RAP1A: variants seen among roughly 807,000 people sequenced by gnomAD.
RAP1A encodes ras-related protein Rap-1A.
RAP1A carries 6 observed loss-of-function variants against 26.4 expected under a neutral mutation model. That is an observed-to-expected ratio of 0.23 (90% CI 0.12 to 0.45). The LOEUF (loss-of-function observed/expected upper bound fraction) is 0.45, where lower values mean the gene tolerates loss of function less well. Among genes scored for constraint, RAP1A ranks in the 20% least tolerant of loss-of-function variants. The probability of loss-of-function intolerance (pLI) is 0.99; values close to 1 mark genes in which losing one functional copy is unlikely to be tolerated. For synonymous variants in RAP1A, 73 were observed against 79.4 expected, an observed-to-expected ratio of 0.92 and a Z score of 0.43; for missense variants, 121 against 217.2, an observed-to-expected ratio of 0.56 and a Z score of 2.78.
intron 1 of RAP1A, among the ~76,000 whole-genome samples, chr1:111,559,275 G>T (rs7534436): frequency 0.11 from 16,116 of 151,968 alleles, 2,177 homozygotes; most frequent in African/African-American, 0.31. Flanking sequence ...AAGAAATTAG[G>T]ACTAAAGCAA....
chr1:111,643,752 T>C (rs1473900269), intron 1 of RAP1A, among the ~76,000 whole-genome samples: 2 of 151,296 alleles, frequency 1.3e-5, no homozygotes, highest in African/African-American at 4.9e-5. Context: ...TAGTAGGTCT[T>C]CTCTCAGAGA....
intron 1 of RAP1A, among the ~76,000 whole-genome samples, chr1:111,563,388 G>A (rs574831466): frequency 3.3e-5 from 5 of 152,304 alleles, no homozygotes; most frequent in South Asian, 4.1e-4. Context: ...GAAATAATTG[G>A]AAAACAGTAT....
chr1:111,552,022 G>T (rs1657282467), intron 1 of RAP1A, among the ~76,000 whole-genome samples: 1 of 152,120 alleles, frequency 6.6e-6, no homozygotes, highest in Non-Finnish European at 1.5e-5. Flanking sequence ...TCTCATTTAG[G>T]CTTTTCTCCC....
rs540728466 is a variant in RAP1A, at chr1:111,636,488, T to G, written c.-28+16554T>G. Among the ~76,000 whole-genome samples the G allele has an allele frequency of 2.3e-4, 35 of 152,062 alleles. 1 individual carries two copies. Among genetic ancestry groups the G allele is most frequent in the African/African-American group, 7.7e-4 (32 of 41,428 alleles). ...TAGTTTGTGAAGAAAGGTAAATTTTTTTTTTTTTTTTGGAGACGGAGTTTC... is the reference window on the plus strand; with the variant it reads ...TAGTTTGTGAAGAAAGGTAAATTTTGTTTTTTTTTTTGGAGACGGAGTTTC... On this transcript the variant is annotated intron_variant, in intron 1 of 7. Coordinates refer to ENST00000369709, the MANE Select transcript of RAP1A (RefSeq NM_002884.4).
At chr1:111,620,020 C>T (rs552667578) in intron 1 of RAP1A, 86 bp downstream of exon 1, 2 of 395,698 alleles carry the variant, frequency 5.1e-6, no homozygotes, top group African/African-American at 4.1e-5. Context: ...CGGCTCATGT[C>T]GCCGGTCAGT....
At chr1:111,685,267 C>G (rs1239859728) in intron 1 of RAP1A, among the ~76,000 whole-genome samples, 2 of 151,904 alleles carry the variant, frequency 1.3e-5, no homozygotes, top group East Asian at 3.9e-4. Context: ...AGCCAAAATG[C>G]CACAAATGGG....
chr1:111,652,108 G>A (rs1182967011), intron 1 of RAP1A, among the ~76,000 whole-genome samples: 1 of 152,010 alleles, frequency 6.6e-6, no homozygotes, highest in Non-Finnish European at 1.5e-5. Context: ...TGAGTAGCTG[G>A]AACTATAGGC....
At chr1:111,651,673 C>T (rs963581925) in intron 1 of RAP1A, among the ~76,000 whole-genome samples, 6 of 151,778 alleles carry the variant, frequency 4.0e-5, no homozygotes, top group Admixed American at 2.0e-4. Flanking sequence ...GATAGGGTTT[C>T]GCCATGTTGG....
chr1:111,612,460 C>T (rs1011906762), intron 1 of RAP1A, among the ~76,000 whole-genome samples: 4 of 152,310 alleles, frequency 2.6e-5, no homozygotes, highest in South Asian at 2.1e-4. Context: ...ATATACACCA[C>T]CAAATGAACA....
intron 1 of RAP1A, among the ~76,000 whole-genome samples, chr1:111,546,017 C>CT (rs1373088684): frequency 6.6e-6 from 1 of 152,106 alleles, no homozygotes; most frequent in Non-Finnish European, 1.5e-5. Context: ...CTTTAGAATA[C>CT]TGTAGCTTTG....
At chr1:111,635,693 G>A (rs1659707286) in intron 1 of RAP1A, among the ~76,000 whole-genome samples, 1 of 152,046 alleles carries the variant, frequency 6.6e-6, no homozygotes, top group Non-Finnish European at 1.5e-5. Flanking sequence ...AGCCTCCCAG[G>A]TAGCTGGGGT....
chr1:111,688,991 C>T (rs1455395955), intron 1 of RAP1A, among the ~76,000 whole-genome samples: 4 of 151,758 alleles, frequency 2.6e-5, no homozygotes, highest in Admixed American at 6.6e-5. Flanking sequence ...CATGCCACCA[C>T]GCTCAGCTAA....
At position 111,666,925 on chromosome 1, in the gene RAP1A, A is replaced by G. The variant is rs546222414; in HGVS notation, c.-27-24409A>G. ...AAGATGGCCAGTGTGGCTGTCATAG[A>G]GAGTAAATAGGGATATGGAGCAAGA... On this transcript the variant is annotated intron_variant, in intron 1 of 7. Transcript: ENST00000369709. 2.0e-3 allele frequency among the ~76,000 whole-genome samples: 166 copies of G among 81,784 alleles called. 1 individual carries two copies. The highest frequency in any genetic ancestry group is 3.0e-3 in the Non-Finnish European group (124 of 40,744). The allele number at this position is 81,784 out of a possible 152,430, so 53.7% of individuals were successfully genotyped here. A position where few individuals can be genotyped will look rare whatever the true frequency, so the allele number is the denominator to read the frequency against.
intron 1 of RAP1A, chr1:111,608,853 A>G (rs1403173677): frequency 6.9e-6 from 1 of 144,184 alleles, no homozygotes; most frequent in Admixed American, 7.1e-5. Flanking sequence ...TGGCAGCAGT[A>G]CAGTCCAGCT....
chr1:111,609,107 G>C (rs1658873269), intron 1 of RAP1A, among the ~76,000 whole-genome samples: 1 of 152,208 alleles, frequency 6.6e-6, no homozygotes, highest in Non-Finnish European at 1.5e-5. Context: ...GGCAATTACA[G>C]CTCAGAGGAT....
chr1:111,587,757 C>T (rs899849585), intron 1 of RAP1A, among the ~76,000 whole-genome samples: 3 of 152,154 alleles, frequency 2.0e-5, no homozygotes, highest in East Asian at 3.9e-4. Flanking sequence ...ACCATGCCAA[C>T]AAAATTGTTC....
intron 4 of RAP1A, among the ~76,000 whole-genome samples, chr1:111,699,463 C>CT (rs11435540): frequency 0.33 from 40,740 of 123,956 alleles, 7,069 homozygotes; most frequent in East Asian, 0.49. Flanking sequence ...CTCACTTCCT[C>CT]TTTTTTTTTT....
intron 1 of RAP1A, chr1:111,686,523 AAG>A (rs1661483744): frequency 6.6e-6 from 1 of 151,644 alleles, no homozygotes; most frequent in Admixed American, 6.6e-5. Context: ...GAGAAAAAAA[AAG>A]AAAAAGAAAA....
At chr1:111,672,615 A>T (rs901979707) in intron 1 of RAP1A, among the ~76,000 whole-genome samples, 5 of 151,904 alleles carry the variant, frequency 3.3e-5, no homozygotes, top group Admixed American at 2.0e-4. Flanking sequence ...AACACTTAGG[A>T]CTCCATAGAT....
Sources: allele counts gnomAD v4.1 joint callset (sites outside exome capture counted in the v4.1 genomes callset), GRCh38; gene constraint gnomAD v4.1.1; transcripts MANE v1.5; gene names NCBI Gene and HGNC (gene_info 2026-07-23, HGNC 2026-07-21).